MAGI3: variants seen among roughly 807,000 people sequenced by gnomAD.
The protein encoded by MAGI3 is membrane associated guanylate kinase, WW and PDZ domain containing 3.
A neutral mutation model predicts 121.8 loss-of-function variants in MAGI3; 43 were observed. The observed-to-expected ratio is 0.35, with a 90% confidence interval of 0.28 to 0.46. MAGI3 has a LOEUF of 0.46. MAGI3 is among the 20% of genes least tolerant of loss of function. The pLI is 1.00. For synonymous variants in MAGI3, 553 were observed against 639.3 expected (o/e 0.86, Z 2.04); for missense variants, 1,547 against 1,797.3 (o/e 0.86, Z 2.52).
chr1:113,449,192 A>G (rs1275175160), intron 1 of MAGI3, among the ~76,000 whole-genome samples: 1 of 152,120 alleles, frequency 6.6e-6, no homozygotes. Context: ...AAAGTTAATG[A>G]GGACATAGAT....
At chr1:113,585,297 G>T in intron 3 of MAGI3, 90 bp from the exon 4 acceptor site, 1 of 1,241,708 alleles carries the variant, frequency 8.1e-7, no homozygotes, top group South Asian at 1.4e-5. Context: ...ACTTCTTTGT[G>T]AAAAACAGGG....
intron 1 of MAGI3, among the ~76,000 whole-genome samples, chr1:113,526,465 A>T (rs914815165): frequency 1.3e-5 from 2 of 152,204 alleles, no homozygotes; most frequent in African/African-American, 4.8e-5. Flanking sequence ...AGCTCTACGT[A>T]TGAGAGAGAG....
At chr1:113,583,329 T>G (rs1219161988) in intron 3 of MAGI3, among the ~76,000 whole-genome samples, 1 of 152,004 alleles carries the variant, frequency 6.6e-6, no homozygotes, top group East Asian at 1.9e-4. Context: ...TGCTAATTTT[T>G]TTTTAATCTG....
intron 1 of MAGI3, among the ~76,000 whole-genome samples, chr1:113,485,538 G>A (rs1406581670): frequency 6.6e-6 from 1 of 151,828 alleles, no homozygotes; most frequent in African/African-American, 2.4e-5. Flanking sequence ...TTGCTAATTT[G>A]TTTATTTGTA....
intron 1 of MAGI3, among the ~76,000 whole-genome samples, chr1:113,448,588 T>G (rs2101478495): frequency 6.6e-6 from 1 of 152,316 alleles, no homozygotes; most frequent in African/African-American, 2.4e-5. Context: ...CTCCTCAGAT[T>G]AATAGTGAGA....
intron 1 of MAGI3, among the ~76,000 whole-genome samples, chr1:113,485,595 TTCTC>T (rs1323907921): frequency 6.6e-6 from 1 of 152,230 alleles, no homozygotes; most frequent in Non-Finnish European, 1.5e-5. Context: ...TGTGAAGACT[TTCTC>T]TCACTCTGTG....
At chr1:113,506,074 G>GA (rs1180840026) in intron 1 of MAGI3, among the ~76,000 whole-genome samples, 1 of 152,160 alleles carries the variant, frequency 6.6e-6, no homozygotes, top group Non-Finnish European at 1.5e-5. Context: ...GGAGAAGCAA[G>GA]AAAGACTATT....
intron 7 of MAGI3, chr1:113,618,539 CTT>C: frequency 2.2e-6 from 1 of 449,432 alleles, no homozygotes; most frequent in South Asian, 1.6e-5. Flanking sequence ...GAGTTTCACT[CTT>C]GTCGCCCAAG....
At chr1:113,450,573 G>A (rs1238835699) in intron 1 of MAGI3, 6 of 1,055,460 alleles carry the variant, frequency 5.7e-6, no homozygotes, top group South Asian at 5.0e-5. Context: ...TATGGTGGTG[G>A]TGGGAACTAT....
intron 1 of MAGI3, among the ~76,000 whole-genome samples, chr1:113,415,559 A>G (rs1320136809): frequency 1.3e-5 from 2 of 151,912 alleles, no homozygotes; most frequent in African/African-American, 4.8e-5. Context: ...TCCAGCCCCA[A>G]TATGATTCTT....
At chr1:113,621,471 C>A (rs1436256934) in intron 8 of MAGI3, among the ~76,000 whole-genome samples, 1 of 152,042 alleles carries the variant, frequency 6.6e-6, no homozygotes, top group Non-Finnish European at 1.5e-5. Context: ...TCAGACAGTA[C>A]AACTGTTGGC....
chr1:113,637,875 T>C (rs977349609), intron 9 of MAGI3, among the ~76,000 whole-genome samples: 3 of 152,150 alleles, frequency 2.0e-5, no homozygotes, highest in African/African-American at 4.8e-5. Flanking sequence ...ACCAATCAGA[T>C]GTAGATTTGG....
intron 1 of MAGI3, among the ~76,000 whole-genome samples, chr1:113,491,072 A>T (rs1656645431): frequency 6.6e-6 from 1 of 152,208 alleles, no homozygotes; most frequent in Non-Finnish European, 1.5e-5. Context: ...AAAACAGAAT[A>T]TACATTCTTA....
chr1:113,679,797 C>T (rs1190662712), intron 19 of MAGI3, among the ~76,000 whole-genome samples: 3 of 151,844 alleles, frequency 2.0e-5, no homozygotes, highest in Non-Finnish European at 4.4e-5. Flanking sequence ...CCTCCACCTC[C>T]CAGGTTCAAG....
At chr1:113,632,319 T>A (rs1651683230) in intron 9 of MAGI3, among the ~76,000 whole-genome samples, 1 of 152,204 alleles carries the variant, frequency 6.6e-6, no homozygotes, top group African/African-American at 2.4e-5. Flanking sequence ...GTGTATGCTG[T>A]CAGGATTTCA....
chr1:113,658,880 G>C lies in MAGI3; in HGVS notation c.2630-200G>C, dbSNP rs140515280. On this transcript the variant is annotated intron_variant, in intron 15 of 20. Transcript: ENST00000307546. This position sits in a 1 kb window ranked among gnomAD's most constrained non-coding sequence, Gnocchi z 4.0. ...TATGCTATGATTACAACTGTGTAAA[G>C]AGTATTTATGCATGTGGGCAAAAGT... Among the ~76,000 whole-genome samples, 249 of 152,342 alleles carry C rather than the reference G, an allele frequency of 1.6e-3. No individual in the cohort carries two copies. Among genetic ancestry groups the C allele is most frequent in the Middle Eastern group, 3.4e-3 (1 of 294 alleles).
chr1:113,504,742 A>T (rs1271051493), intron 1 of MAGI3, among the ~76,000 whole-genome samples: 1 of 152,148 alleles, frequency 6.6e-6, no homozygotes, highest in East Asian at 1.9e-4. Context: ...AAGTACTGGT[A>T]TGTACAAGGA....
At chr1:113,480,608 A>G (rs1656064387) in intron 1 of MAGI3, among the ~76,000 whole-genome samples, 1 of 152,192 alleles carries the variant, frequency 6.6e-6, no homozygotes. Flanking sequence ...TACAAAGGGT[A>G]TTTCTCTTTA....
chr1:113,585,617 C>CT (rs1648320838), intron 4 of MAGI3, 21 bp downstream of exon 4: 2 of 1,569,594 alleles, frequency 1.3e-6, no homozygotes, highest in Non-Finnish European at 1.7e-6. Context: ...AGATGAACAA[C>CT]TTCTAACTGA....
Sources: allele counts gnomAD v4.1 joint callset (sites outside exome capture counted in the v4.1 genomes callset), GRCh38; gene constraint gnomAD v4.1.1; non-coding constraint Gnocchi (gnomAD v3.1); transcripts MANE v1.5; gene names NCBI Gene and HGNC (gene_info 2026-07-23, HGNC 2026-07-21).